The following RALGAPA1 variants were observed in gnomAD, a reference collection of about 807,000 sequenced individuals.
The protein encoded by RALGAPA1 is Ral GTPase activating protein catalytic subunit alpha 1, also known as ral GTPase-activating protein subunit alpha-1.
A neutral mutation model predicts 269.6 loss-of-function variants in RALGAPA1; 52 were observed. The observed-to-expected ratio is 0.19, with a 90% CI of 0.15 to 0.24. The LOEUF (loss-of-function observed/expected upper bound fraction) is 0.24. RALGAPA1 is among the 10% of genes least tolerant of loss of function. The probability of loss-of-function intolerance (pLI) is 1.00; values close to 1 mark genes in which losing one functional copy is unlikely to be tolerated. For synonymous variants in RALGAPA1, 817 were observed against 1,008.3 expected, an observed-to-expected ratio of 0.81 and a Z score of 3.60; for missense variants, 1,917 against 3,013.9, an observed-to-expected ratio of 0.64 and a Z score of 8.52.
chr14:35,569,166 T>C (rs2139421207), intron 39 of RALGAPA1, among the ~76,000 whole-genome samples: 1 of 152,324 alleles, frequency 6.6e-6, no homozygotes, highest in African/African-American at 2.4e-5. Context: ...TCAATTTTCG[T>C]CAAAAGAAGA....
chr14:35,564,991 T>C (rs2056576192), intron 39 of RALGAPA1, among the ~76,000 whole-genome samples: 1 of 152,118 alleles, frequency 6.6e-6, no homozygotes, highest in African/African-American at 2.4e-5. Context: ...TTACATATTA[T>C]TCTCTCCTTG....
chr14:35,750,622 T>C lies in RALGAPA1; in HGVS notation c.871A>G (p.Ile291Val). ...IKKDAETNEAIYCTKEPFIKA... is the reference protein window; with the variant it reads ...IKKDAETNEAVYCTKEPFIKA... ...ATGAAAGGCTCCTTTGTACAATAGA[T>C]TGCTTCATTGGTTTCAGCATCTTTC... is the stretch of plus-strand genomic sequence containing the variant. The change falls in exon 9 of 42, where the codon ATC becomes GTC. Residue 291 changes from isoleucine (I) to valine (V), a missense_variant. By Grantham distance (29) the Ile-to-Val change is conservative (BLOSUM62 3). Around this residue, in one of 11 missense-constraint regions of RALGAPA1, gnomAD observed 462 missense variants for 725.6 expected, o/e 0.64. Coordinates refer to ENST00000680220, the MANE Select transcript of RALGAPA1 (RefSeq NM_001346249.2). 6.2e-7 allele frequency: 1 copy of C among 1,613,458 alleles called. No homozygotes were observed. Among genetic ancestry groups the C allele is most frequent in the Non-Finnish European group, 8.5e-7 (1 of 1,179,596 alleles).
intron 30 of RALGAPA1, among the ~76,000 whole-genome samples, chr14:35,652,363 T>C (rs983081524): frequency 2.3e-5 from 3 of 130,222 alleles, no homozygotes; most frequent in African/African-American, 1.0e-4. Flanking sequence ...AGGCCTTTTG[T>C]TTATATATAT....
intron 39 of RALGAPA1, among the ~76,000 whole-genome samples, chr14:35,553,525 G>A (rs1431525148): frequency 1.3e-5 from 2 of 152,124 alleles, no homozygotes; most frequent in African/African-American, 4.8e-5. Flanking sequence ...TGAACTGCTT[G>A]TAATGTTAGA....
At chr14:35,787,169 C>T (rs1289199889) in intron 1 of RALGAPA1, among the ~76,000 whole-genome samples, 1 of 152,150 alleles carries the variant, frequency 6.6e-6, no homozygotes, top group Non-Finnish European at 1.5e-5. Context: ...CAAAATTTAG[C>T]AAAGCACTGT....
At position 35,701,363 on chromosome 14, in the gene RALGAPA1, A is replaced by T. The variant is rs2067336529; in HGVS notation, c.2267-1061T>A. Reference sequence around the variant, plus strand: ...CAATTCAAATTGCTGAGTTTCCTTGATTACTGGACAGACTTGGTTCCCTGA... The same window carrying T: ...CAATTCAAATTGCTGAGTTTCCTTGTTTACTGGACAGACTTGGTTCCCTGA... On this transcript the variant is annotated intron_variant, in intron 16 of 41. Coordinates refer to ENST00000680220, the MANE Select transcript of RALGAPA1 (RefSeq NM_001346249.2). Among the ~76,000 whole-genome samples, 3 of 152,194 alleles carry T rather than the reference A, an allele frequency of 2.0e-5. No individual in the cohort carries two copies. In the South Asian group the frequency reaches 6.2e-4, roughly 31 times the overall value.
chr14:35,651,947 T>C (rs757488386), intron 30 of RALGAPA1, 74 bp from the exon 31 acceptor site: 17 of 1,286,452 alleles, frequency 1.3e-5, no homozygotes, highest in Non-Finnish European at 1.7e-5. Context: ...ACTTGATTGT[T>C]AAATGCTGAA....
intron 4 of RALGAPA1, among the ~76,000 whole-genome samples, chr14:35,767,284 T>C (rs565369109): frequency 9.2e-5 from 14 of 152,270 alleles, no homozygotes; most frequent in African/African-American, 3.4e-4. Flanking sequence ...ATGCTAAAAT[T>C]TATGGGATGG....
chr14:35,808,585 T>A, intron 1 of RALGAPA1, 145 bp downstream of exon 1: 1 of 796,438 alleles, frequency 1.3e-6, no homozygotes, highest in South Asian at 1.7e-5. Flanking sequence ...CTTCTCCGAA[T>A]TATTCACCCT....
intron 31 of RALGAPA1, 140 bp from the exon 32 acceptor site, chr14:35,635,738 T>C (rs534060902): frequency 3.6e-5 from 23 of 645,394 alleles, no homozygotes; most frequent in Middle Eastern, 3.6e-4. Context: ...TTTACCCAGA[T>C]CTAACTGATT....
intron 1 of RALGAPA1, among the ~76,000 whole-genome samples, chr14:35,787,942 G>C (rs1304514239): frequency 1.3e-5 from 2 of 151,794 alleles, no homozygotes; most frequent in Admixed American, 6.6e-5. Context: ...ACCACATCAA[G>C]ATCATTCAGG....
At chr14:35,805,669 T>C (rs1208691547) in intron 1 of RALGAPA1, among the ~76,000 whole-genome samples, 1 of 150,744 alleles carries the variant, frequency 6.6e-6, no homozygotes, top group African/African-American at 2.4e-5. Context: ...TACATATATA[T>C]ATTTTTTCTT....
rs565521790 is a variant in RALGAPA1 at position 35,693,728 on chromosome 14, T to C, written c.2408-3725A>G. On this transcript the variant is annotated intron_variant, in intron 17 of 41. Transcript: ENST00000680220. ...GCTTTTGAACATTGAGAAAATGCTTTGGTAAAATAAATTTAAATTTAGAGT... is the reference window on the plus strand; with the variant it reads ...GCTTTTGAACATTGAGAAAATGCTTCGGTAAAATAAATTTAAATTTAGAGT... 5.3e-5 allele frequency among the ~76,000 whole-genome samples: 8 copies of C among 152,120 alleles called. No homozygotes were observed. The South Asian group carries it at 1.5e-3, about 28-fold the overall frequency.
intron 1 of RALGAPA1, among the ~76,000 whole-genome samples, chr14:35,793,951 G>C (rs2076375197): frequency 6.6e-6 from 1 of 152,056 alleles, no homozygotes; most frequent in Non-Finnish European, 1.5e-5. Context: ...TACAATATTT[G>C]AAAAAGCTTG....
chr14:35,619,459 A>C (rs1187558004), intron 35 of RALGAPA1, among the ~76,000 whole-genome samples: 1 of 152,184 alleles, frequency 6.6e-6, no homozygotes, highest in Admixed American at 6.5e-5. Flanking sequence ...AAGAGCAAAC[A>C]AATTCAAAAG....
intron 16 of RALGAPA1, among the ~76,000 whole-genome samples, chr14:35,718,318 A>C (rs1358239215): frequency 6.6e-6 from 1 of 152,174 alleles, no homozygotes; most frequent in Non-Finnish European, 1.5e-5. Context: ...TTTCATTCAC[A>C]TATGTAAAGC....
chr14:35,702,672 C>T (rs749556855), intron 16 of RALGAPA1, among the ~76,000 whole-genome samples: 90 of 149,866 alleles, frequency 6.0e-4, no homozygotes, highest in South Asian at 1.7e-3. Context: ...AGTGTTGTTA[C>T]ACAGAGGGTG....
chr14:35,635,662 T>C (rs1004898842), intron 31 of RALGAPA1, 64 bp from the exon 32 acceptor site: 2 of 1,381,484 alleles, frequency 1.4e-6, no homozygotes, highest in Non-Finnish European at 1.9e-6. Flanking sequence ...TAAAAATTCA[T>C]TTTCTTATTC....
chr14:35,710,197 G>A (rs2068180595), intron 16 of RALGAPA1, among the ~76,000 whole-genome samples: 2 of 152,188 alleles, frequency 1.3e-5, no homozygotes, highest in South Asian at 4.1e-4. Context: ...TTTGCCTCAT[G>A]TATTTTGATA....
Sources: gnomAD v4.1 joint callset for allele counts (sites outside exome capture counted in the v4.1 genomes callset) on GRCh38, gnomAD v4.1.1 for gene constraint, gnomAD v4.1.1 regional missense constraint, MANE v1.5 for transcripts, NCBI Gene and HGNC (gene_info 2026-07-23, HGNC 2026-07-21) for gene names.